The following CNTN6 variants were observed in gnomAD, a reference collection of about 807,000 sequenced individuals.
CNTN6 encodes the protein contactin-6.
CNTN6 carries 137 observed loss-of-function variants against 122.8 expected under a neutral mutation model. The observed-to-expected ratio is 1.12, with a 90% CI of 0.97 to 1.29. CNTN6 has a LOEUF of 1.29. Among genes scored for constraint, CNTN6 ranks in the 50% most tolerant of loss-of-function variants. The pLI, the probability that CNTN6 is intolerant of heterozygous loss-of-function variation, is 0.00. For missense variants in CNTN6, 1,634 were observed against 1,223.4 expected (o/e 1.34, Z -5.01); for synonymous variants, 570 against 426.0 (o/e 1.34, Z -4.16).
chr3:1,245,333 T>TATAG (rs2094568026), intron 4 of CNTN6, among the ~76,000 whole-genome samples: 1 of 87,392 alleles, frequency 1.1e-5, no homozygotes, highest in African/African-American at 4.4e-5. Context: ...TATATATATA[T>TATAG]ATAGCATGGA....
At chr3:1,219,910 G>A (rs1250491215) in intron 2 of CNTN6, among the ~76,000 whole-genome samples, 1 of 151,790 alleles carries the variant, frequency 6.6e-6, no homozygotes, top group African/African-American at 2.4e-5. Flanking sequence ...GGCTAGGTGG[G>A]AGGTTCACCT....
At chr3:1,255,428 A>G in intron 4 of CNTN6, among the ~76,000 whole-genome samples, 1 of 132,184 alleles carries the variant, frequency 7.6e-6, no homozygotes, top group African/African-American at 2.6e-5. Flanking sequence ...AAAAAAAAAA[A>G]GAAAGAAAGA....
intron 4 of CNTN6, among the ~76,000 whole-genome samples, chr3:1,255,939 C>T (rs1355148863): frequency 1.3e-5 from 2 of 152,080 alleles, no homozygotes; most frequent in Middle Eastern, 3.2e-3. Flanking sequence ...GAGATCAAGA[C>T]TAACCACAAT....
At chr3:1,199,912 C>T (rs1398044212) in intron 2 of CNTN6, among the ~76,000 whole-genome samples, 1 of 152,082 alleles carries the variant, frequency 6.6e-6, no homozygotes, top group African/African-American at 2.4e-5. Flanking sequence ...TAGACAAATG[C>T]AATAGCAATG....
chr3:1,097,316 C>G (rs1271496502), intron 1 of CNTN6, among the ~76,000 whole-genome samples: 1 of 152,110 alleles, frequency 6.6e-6, no homozygotes, highest in Non-Finnish European at 1.5e-5. Flanking sequence ...TCTGTAGACT[C>G]AAATCCTTTT....
intron 1 of CNTN6, among the ~76,000 whole-genome samples, chr3:1,135,009 A>T (rs977903686): frequency 6.6e-6 from 1 of 152,090 alleles, no homozygotes; most frequent in Non-Finnish European, 1.5e-5. Flanking sequence ...CTGAGGAATG[A>T]GGTTGGACCC....
intron 22 of CNTN6, 68 bp downstream of exon 22, chr3:1,402,554 A>C: frequency 7.4e-7 from 1 of 1,358,962 alleles, no homozygotes; most frequent in Non-Finnish European, 1.0e-6. Flanking sequence ...ATTCAGCTCC[A>C]TGAAACCTTC....
rs984485918 is a variant in CNTN6, at chr3:1,266,997, C to A, written c.359-11416C>A. On this transcript the variant is annotated intron_variant, in intron 4 of 22. Transcript: ENST00000446702. Reference sequence around the variant, plus strand: ...TTGGAGACAGAGTCTCTCTCTGTAACCTGCGACCCCCAGGTTCAAGCAATT... The same window carrying A: ...TTGGAGACAGAGTCTCTCTCTGTAAACTGCGACCCCCAGGTTCAAGCAATT... 5.4e-5 allele frequency among the ~76,000 whole-genome samples: 7 copies of A among 129,840 alleles called. No homozygotes were observed. In the South Asian group the frequency reaches 1.6e-3, roughly 30 times the overall value. The allele number at this position is 129,840 out of a possible 152,430, so 85.2% of individuals were successfully genotyped here.
chr3:1,326,737 A>G (rs1162016179), intron 9 of CNTN6, among the ~76,000 whole-genome samples: 1 of 151,926 alleles, frequency 6.6e-6, no homozygotes, highest in African/African-American at 2.4e-5. Flanking sequence ...GCTGAATATA[A>G]TGCTGTTCTT....
intron 20 of CNTN6, 98 bp downstream of exon 20, chr3:1,385,895 C>CTAA (rs1692825997): frequency 5.9e-6 from 7 of 1,183,178 alleles, no homozygotes; most frequent in African/African-American, 1.6e-5. Context: ...CATTTCTTTA[C>CTAA]TAATTGGTTA....
At chr3:1,141,445 GACA>G (rs1455226134) in intron 1 of CNTN6, among the ~76,000 whole-genome samples, 9 of 152,136 alleles carry the variant, frequency 5.9e-5, no homozygotes, top group Non-Finnish European at 1.2e-4. Flanking sequence ...ACACCAGTAA[GACA>G]ACTAGAGAGA....
At chr3:1,252,540 G>A (rs556168359) in intron 4 of CNTN6, among the ~76,000 whole-genome samples, 2 of 152,224 alleles carry the variant, frequency 1.3e-5, no homozygotes, top group African/African-American at 4.8e-5. Flanking sequence ...TCACTTTACG[G>A]AAATAATACA....
At chr3:1,382,105 TAA>T (rs5846113) in intron 17 of CNTN6, among the ~76,000 whole-genome samples, 1 of 145,300 alleles carries the variant, frequency 6.9e-6, no homozygotes. Flanking sequence ...GAATATTTAT[TAA>T]AAAAAAAAAA....
At chr3:1,196,189 A>C (rs1045134393) in intron 2 of CNTN6, among the ~76,000 whole-genome samples, 2 of 152,228 alleles carry the variant, frequency 1.3e-5, no homozygotes, top group African/African-American at 4.8e-5. Context: ...GCTCAGGCTG[A>C]GCATTCATCG....
At chr3:1,402,947 C>A in intron 22 of CNTN6, 1 of 201,526 alleles carries the variant, frequency 5.0e-6, no homozygotes, top group Non-Finnish European at 1.0e-5. Flanking sequence ...ATTTTCTAAG[C>A]CAACCAACAC....
At chr3:1,333,692 C>T (rs927892372) in intron 11 of CNTN6, among the ~76,000 whole-genome samples, 3 of 152,012 alleles carry the variant, frequency 2.0e-5, no homozygotes, top group African/African-American at 7.2e-5. Flanking sequence ...GTTGAGAGGG[C>T]TCTAAAGAAA....
chr3:1,141,732 G>C (rs2092612819), intron 1 of CNTN6, among the ~76,000 whole-genome samples: 1 of 152,122 alleles, frequency 6.6e-6, no homozygotes, highest in South Asian at 2.1e-4. Context: ...AAAGCACAAT[G>C]TTGACAGAAT....
At chr3:1,206,005 T>C (rs1162717699) in intron 2 of CNTN6, among the ~76,000 whole-genome samples, 1 of 152,266 alleles carries the variant, frequency 6.6e-6, no homozygotes, top group East Asian at 1.9e-4. Context: ...TTCTTAATAG[T>C]TTTCTCCTCT....
chr3:1,266,041 C>G (rs2094921339), intron 4 of CNTN6, among the ~76,000 whole-genome samples: 1 of 151,606 alleles, frequency 6.6e-6, no homozygotes, highest in Non-Finnish European at 1.5e-5. Flanking sequence ...TGCATAACAC[C>G]TAAGTGCGTC....
Sources: allele counts gnomAD v4.1 joint callset (sites outside exome capture counted in the v4.1 genomes callset), GRCh38; gene constraint gnomAD v4.1.1; transcripts MANE v1.5; gene names NCBI Gene and HGNC (gene_info 2026-07-23, HGNC 2026-07-21).